LNPEP: variants seen among roughly 807,000 people sequenced by gnomAD.
LNPEP encodes leucyl-cystinyl aminopeptidase.
Under a neutral mutation model 120.6 loss-of-function variants are expected in LNPEP, and 64 were observed. The observed-to-expected ratio is 0.53, with a 90% CI of 0.43 to 0.65. LNPEP has a LOEUF of 0.65. Among genes scored for constraint, LNPEP ranks in the 30% least tolerant of loss-of-function variants. LNPEP has a pLI of 0.00. For missense variants in LNPEP, 1,057 were observed against 1,200.0 expected (o/e 0.88, Z 1.76); for synonymous variants, 435 against 425.4 (o/e 1.02, Z -0.28).
At chr5:96,951,357 C>G (rs1789319070) in intron 1 of LNPEP, among the ~76,000 whole-genome samples, 1 of 152,106 alleles carries the variant, frequency 6.6e-6, no homozygotes, top group South Asian at 2.1e-4. Context: ...CTCCCGGGTT[C>G]ACGCCATTCT....
At chr5:96,954,510 A>G (rs1462120308) in intron 1 of LNPEP, among the ~76,000 whole-genome samples, 2 of 151,480 alleles carry the variant, frequency 1.3e-5, no homozygotes, top group Non-Finnish European at 2.9e-5. Context: ...AATTGTTCAA[A>G]TGAATAAGCT....
intron 1 of LNPEP, among the ~76,000 whole-genome samples, chr5:96,964,497 C>T (rs1215792582): frequency 6.6e-6 from 1 of 151,898 alleles, no homozygotes. Context: ...ATTTTGAATA[C>T]TTTTCTATGT....
At position 97,028,526 on chromosome 5, in the gene LNPEP, G is replaced by A. The variant is rs1343413341; in HGVS notation, c.3071G>A (p.Trp1024Ter). ...AAGAACCTCAAAAGTCTCACATGGTGGCTGTAGCATGCACAACCGCACCTC... is the reference window on the plus strand; with the variant it reads ...AAGAACCTCAAAAGTCTCACATGGTAGCTGTAGCATGCACAACCGCACCTC... ...MEKNLKSLTW[W>*]L Residue 1024 changes from tryptophan (W) to a stop codon, truncating the protein, a stop_gained, in exon 18 of 18, where the codon TGG (tryptophan) becomes TAG (stop). Coordinates refer to ENST00000231368, the MANE Select transcript of LNPEP (RefSeq NM_005575.3). LOFTEE classifies it high-confidence loss of function. The A allele has an allele frequency of 6.2e-7, 1 of 1,613,704 alleles. No homozygotes were observed. Among genetic ancestry groups the A allele is most frequent in the South Asian group, 1.1e-5 (1 of 91,052 alleles).
At chr5:97,009,095 A>G (rs1204850452) in intron 11 of LNPEP, among the ~76,000 whole-genome samples, 1 of 152,244 alleles carries the variant, frequency 6.6e-6, no homozygotes, top group East Asian at 1.9e-4. Flanking sequence ...CAAAAATTCT[A>G]TCAGCAACTC....
At chr5:96,960,479 A>G (rs1204649047) in intron 1 of LNPEP, among the ~76,000 whole-genome samples, 1 of 152,180 alleles carries the variant, frequency 6.6e-6, no homozygotes, top group Non-Finnish European at 1.5e-5. Flanking sequence ...GTTAATTGAA[A>G]TGCATTTTAG....
chr5:97,015,169 T>A, intron 13 of LNPEP, 74 bp downstream of exon 13: 2 of 1,069,972 alleles, frequency 1.9e-6, no homozygotes, highest in South Asian at 2.8e-5. Context: ...TTTCAGCCAG[T>A]AATAGGCTGA....
intron 11 of LNPEP, among the ~76,000 whole-genome samples, chr5:97,009,754 AC>A (rs1329766694): frequency 6.6e-6 from 1 of 152,142 alleles, no homozygotes; most frequent in Non-Finnish European, 1.5e-5. Context: ...TTCTGTCCTT[AC>A]GTTTGACCCT....
rs1321863375 is a variant in LNPEP at position 96,979,560 on chromosome 5, A to T, written c.442A>T (p.Ile148Phe). ...AGGCTGCCATAAAAAAAACCAGTCA[A>T]TTGGACTAATTCAGCCATTTGCAAC... Reference protein sequence around the residue: ...KEGCHKKNQSIGLIQPFATNG... With the variant: ...KEGCHKKNQSFGLIQPFATNG... The change falls in exon 2 of 18, where the codon ATT (isoleucine) becomes TTT (phenylalanine). Residue 148 changes from isoleucine to phenylalanine, a missense_variant. By Grantham distance (21) the Ile-to-Phe change is conservative. Transcript: ENST00000231368. 6.2e-7 allele frequency: 1 copy of T among 1,614,050 alleles called. No individual in the cohort carries two copies. Among genetic ancestry groups the T allele is most frequent in the Non-Finnish European group, 8.5e-7 (1 of 1,179,952 alleles).
rs575578864 is a variant in LNPEP at position 97,015,155 on chromosome 5, C to T, written c.2376+60C>T. 9.1e-6 allele frequency: 11 copies of T among 1,212,900 alleles called. No individual in the cohort carries two copies. In the South Asian group the frequency reaches 2.5e-4, roughly 28 times the overall value. 75.1% of individuals were successfully genotyped at this position (1,212,900 alleles called of 1,614,324 possible). A position where few individuals can be genotyped will look rare whatever the true frequency, so the allele number is the denominator to read the frequency against. ...ATCTTTAATATTGTTATTCATGGTT[C>T]CATTTTCAGCCAGTAATAGGCTGAA... On this transcript the variant is annotated intron_variant, in intron 13 of 17. Transcript: ENST00000231368.
chr5:97,006,373 TAA>T (rs3835054), intron 10 of LNPEP, 52 bp from the exon 11 acceptor site: 62,673 of 1,041,842 alleles, frequency 0.06, 2 homozygotes, highest in South Asian at 0.092. Context: ...CCTACCAAAT[TAA>T]AAAAAAAAAA....
chr5:97,013,979 C>A, intron 12 of LNPEP, 148 bp downstream of exon 12: 1 of 506,536 alleles, frequency 2.0e-6, no homozygotes, highest in Non-Finnish European at 3.4e-6. Flanking sequence ...TGTTCTTTGC[C>A]TCCAGGGACT....
chr5:96,970,941 A>G (rs1162954007), intron 1 of LNPEP, among the ~76,000 whole-genome samples: 1 of 151,962 alleles, frequency 6.6e-6, no homozygotes, highest in Non-Finnish European at 1.5e-5. Flanking sequence ...TTTAACATGT[A>G]TTATTTCTGG....
At chr5:97,021,119 G>A (rs1007879778) in intron 13 of LNPEP, among the ~76,000 whole-genome samples, 3 of 152,304 alleles carry the variant, frequency 2.0e-5, no homozygotes, top group Middle Eastern at 3.4e-3. Context: ...TCTTCAGTGT[G>A]ATAAGGTATT....
chr5:97,004,929 C>A (rs1016466480), intron 9 of LNPEP, among the ~76,000 whole-genome samples: 3 of 152,162 alleles, frequency 2.0e-5, no homozygotes, highest in African/African-American at 7.2e-5. Flanking sequence ...TTGACTGCAA[C>A]TTTTGCATCA....
intron 1 of LNPEP, chr5:96,937,412 T>A (rs892622373): frequency 3.9e-5 from 6 of 152,242 alleles, no homozygotes; most frequent in Non-Finnish European, 5.9e-5. Context: ...ACTTTAATTC[T>A]GAATTTTCTT....
intron 4 of LNPEP, among the ~76,000 whole-genome samples, chr5:96,988,334 C>CT (rs1293064236): frequency 9.1e-4 from 105 of 115,472 alleles, no homozygotes; most frequent in African/African-American, 3.3e-3. Flanking sequence ...TTTTCTTTTT[C>CT]TTTTCTTTTT....
At chr5:96,967,692 T>G (rs1272934534) in intron 1 of LNPEP, among the ~76,000 whole-genome samples, 1 of 152,132 alleles carries the variant, frequency 6.6e-6, no homozygotes, top group Non-Finnish European at 1.5e-5. Context: ...GTATGAATTT[T>G]ATCTTATTCC....
intron 1 of LNPEP, among the ~76,000 whole-genome samples, chr5:96,940,122 T>G (rs1460446622): frequency 1.3e-5 from 2 of 152,180 alleles, no homozygotes; most frequent in African/African-American, 4.8e-5. Flanking sequence ...AATCTAGGGT[T>G]AAAGCTATAG....
intron 1 of LNPEP, among the ~76,000 whole-genome samples, chr5:96,959,773 C>G (rs1200432342): frequency 1.3e-5 from 2 of 152,018 alleles, no homozygotes; most frequent in East Asian, 1.9e-4. Flanking sequence ...TGAGGATTTT[C>G]TAAACTTGGG....
Sources: gnomAD v4.1 joint callset for allele counts (sites outside exome capture counted in the v4.1 genomes callset) on GRCh38, gnomAD v4.1.1 for gene constraint, MANE v1.5 for transcripts, NCBI Gene and HGNC (gene_info 2026-07-23, HGNC 2026-07-21) for gene names.